EPC2: variants seen among roughly 807,000 people sequenced by gnomAD.
The protein encoded by EPC2 is enhancer of polycomb homolog 2.
Under a neutral mutation model 92.1 loss-of-function variants are expected in EPC2, and 14 were observed. The ratio of observed to expected loss-of-function variants is 0.15; its 90% confidence interval spans 0.10 to 0.24. The LOEUF (loss-of-function observed/expected upper bound fraction) is 0.24. Among genes scored for constraint, EPC2 ranks in the 10% least tolerant of loss-of-function variants. EPC2 has a pLI of 1.00. For synonymous variants in EPC2, 340 were observed against 334.7 expected, an observed-to-expected ratio of 1.02 and a Z score of -0.17; for missense variants, 755 against 971.5, an observed-to-expected ratio of 0.78 and a Z score of 2.96.
At chr2:148,699,929 A>G (rs1681838860) in intron 2 of EPC2, among the ~76,000 whole-genome samples, 1 of 152,140 alleles carries the variant, frequency 6.6e-6, no homozygotes, top group African/African-American at 2.4e-5. Context: ...CCATTTTACT[A>G]GGTGTGAGAT....
chr2:148,697,027 A>AT (rs955929295), intron 2 of EPC2, among the ~76,000 whole-genome samples: 6 of 152,218 alleles, frequency 3.9e-5, no homozygotes, highest in African/African-American at 7.2e-5. Flanking sequence ...GTTTGCATAC[A>AT]TTTTTTGTAT....
At chr2:148,746,435 C>T (rs1277970959) in intron 3 of EPC2, among the ~76,000 whole-genome samples, 1 of 152,040 alleles carries the variant, frequency 6.6e-6, no homozygotes, top group African/African-American at 2.4e-5. Context: ...AACTAATTCA[C>T]TTCAGGGTTT....
chr2:148,771,006 C>G, intron 9 of EPC2, 38 bp from the exon 10 acceptor site: 1 of 1,592,620 alleles, frequency 6.3e-7, no homozygotes, highest in Non-Finnish European at 8.5e-7. Flanking sequence ...ACATGTTCAG[C>G]TCTCTCAGTT....
In EPC2 at chr2:148,645,207, C is replaced by A. The variant is rs1385492344; in HGVS notation, c.153+37C>A. On this transcript the variant is annotated intron_variant, in intron 1 of 13. Coordinates refer to ENST00000258484, the MANE Select transcript of EPC2 (RefSeq NM_015630.4). The stretch of plus-strand genomic sequence containing the variant: ...AGTGTTTATTACCCCCCCTTCCCTC[C>A]TCCCCCCTCCCCTTTGTCAGTCGGG... 1.0e-5 allele frequency: 15 copies of A among 1,492,462 alleles called. No homozygotes were observed. The African/African-American group carries it at 1.1e-4, about 11-fold the overall frequency. The allele number at this position is 1,492,462 out of a possible 1,614,324, so 92.5% of individuals were successfully genotyped here. A position where few individuals can be genotyped will look rare whatever the true frequency, so the allele number is the denominator to read the frequency against.
intron 1 of EPC2, among the ~76,000 whole-genome samples, chr2:148,684,881 T>A (rs1196548622): frequency 6.6e-6 from 1 of 152,238 alleles, no homozygotes; most frequent in Non-Finnish European, 1.5e-5. Context: ...TTGTATCATA[T>A]CCTTGCCAAC....
chr2:148,704,661 T>G (rs1398908850), intron 2 of EPC2, among the ~76,000 whole-genome samples: 2 of 152,156 alleles, frequency 1.3e-5, no homozygotes, highest in Non-Finnish European at 2.9e-5. Context: ...GAACTCAACA[T>G]TTTTACTTAT....
rs1478005183 is a variant in EPC2 at position 148,735,137 on chromosome 2, T to G, written c.314-8485T>G. Reference sequence around the variant, plus strand: ...CTTGTGTGTGTCATCTTGTCCACATTTATGAGAGCTTTTCTAGGTAGGTTG... The same window carrying G: ...CTTGTGTGTGTCATCTTGTCCACATGTATGAGAGCTTTTCTAGGTAGGTTG... On this transcript the variant is annotated intron_variant, in intron 2 of 13. Transcript: ENST00000258484. Among the ~76,000 whole-genome samples the G allele has an allele frequency of 2.0e-5, 3 of 152,064 alleles. No homozygotes were observed. In the East Asian group the frequency reaches 5.8e-4, roughly 29 times the overall value.
intron 2 of EPC2, among the ~76,000 whole-genome samples, chr2:148,722,405 A>G (rs1436524733): frequency 6.6e-6 from 1 of 152,216 alleles, no homozygotes; most frequent in African/African-American, 2.4e-5. Context: ...AGACATTCAC[A>G]CAGCTAACAA....
intron 2 of EPC2, among the ~76,000 whole-genome samples, chr2:148,731,579 T>G (rs1445299959): frequency 1.3e-5 from 2 of 152,140 alleles, no homozygotes; most frequent in East Asian, 1.9e-4. Context: ...ATTTTTGTAT[T>G]TTTAGTAGAG....
intron 2 of EPC2, among the ~76,000 whole-genome samples, chr2:148,711,187 T>A (rs1182236010): frequency 1.3e-5 from 2 of 152,252 alleles, no homozygotes; most frequent in African/African-American, 4.8e-5. Flanking sequence ...ATTTTAGATC[T>A]TCTTTCCTAA....
At chr2:148,734,016 A>G (rs1382591573) in intron 2 of EPC2, among the ~76,000 whole-genome samples, 5 of 152,196 alleles carry the variant, frequency 3.3e-5, no homozygotes, top group Non-Finnish European at 7.3e-5. Flanking sequence ...TGGAAAACAT[A>G]TAGGAAAAGA....
At chr2:148,728,807 C>T (rs1473747976) in intron 2 of EPC2, among the ~76,000 whole-genome samples, 1 of 150,856 alleles carries the variant, frequency 6.6e-6, no homozygotes, top group Non-Finnish European at 1.5e-5. Context: ...CCAAGGCGGG[C>T]AGATCACGAG....
chr2:148,691,470 C>T (rs1681642506), intron 2 of EPC2: 5 of 1,518,516 alleles, frequency 3.3e-6, no homozygotes, highest in Non-Finnish European at 4.5e-6. Flanking sequence ...TGAAACATCA[C>T]CAGCTTTAAG....
chr2:148,735,665 T>C (rs1371622342), intron 2 of EPC2, among the ~76,000 whole-genome samples: 1 of 151,958 alleles, frequency 6.6e-6, no homozygotes, highest in Non-Finnish European at 1.5e-5. Context: ...TTATTTGCTC[T>C]GGGGGTATTA....
Position 148,761,739 on chromosome 2 carries a change from A to G in EPC2, c.667-43A>G, listed in dbSNP as rs1432236120. ...TTATTGAATAAAGCCGGAAATGTAG[A>G]TAACTGTGTTGTTTATTCTTCTAAA... On this transcript the variant is annotated intron_variant, in intron 4 of 13. Transcript: ENST00000258484. 16 of 1,314,500 alleles carry G rather than the reference A, an allele frequency of 1.2e-5. No individual in the cohort carries two copies. In the Admixed American group the frequency reaches 2.9e-4, roughly 24 times the overall value. 81.4% of individuals were successfully genotyped at this position (1,314,500 alleles called of 1,614,324 possible). A position where few individuals can be genotyped will look rare whatever the true frequency, so the allele number is the denominator to read the frequency against.
At chr2:148,692,992 A>G (rs1364976348) in intron 2 of EPC2, among the ~76,000 whole-genome samples, 2 of 152,160 alleles carry the variant, frequency 1.3e-5, no homozygotes, top group African/African-American at 4.8e-5. Context: ...CTTTCTAGTC[A>G]TATTTTAAGT....
intron 1 of EPC2, among the ~76,000 whole-genome samples, chr2:148,671,531 C>CT (rs1367697387): frequency 6.6e-6 from 1 of 152,032 alleles, no homozygotes; most frequent in African/African-American, 2.4e-5. Context: ...GGAGAATTGC[C>CT]TGAACCTGGG....
chr2:148,660,222 T>C (rs531626059), intron 1 of EPC2, among the ~76,000 whole-genome samples: 23 of 152,272 alleles, frequency 1.5e-4, no homozygotes, highest in African/African-American at 5.0e-4. Context: ...GAGAGGTTTG[T>C]TTTTTAAAAT....
intron 2 of EPC2, among the ~76,000 whole-genome samples, chr2:148,731,277 T>C (rs1004681995): frequency 7.9e-5 from 12 of 152,222 alleles, no homozygotes; most frequent in African/African-American, 2.2e-4. Context: ...AATGACACTT[T>C]TGCAGAGTGC....
Sources: allele counts gnomAD v4.1 joint callset (sites outside exome capture counted in the v4.1 genomes callset), GRCh38; gene constraint gnomAD v4.1.1; transcripts MANE v1.5; gene names NCBI Gene and HGNC (gene_info 2026-07-23, HGNC 2026-07-21).